The following EXOC4 variants were observed in gnomAD, a reference collection of about 807,000 sequenced individuals.
EXOC4 encodes SEC8-like 1.
A neutral mutation model predicts 107.2 loss-of-function variants in EXOC4; 71 were observed. The observed-to-expected ratio is 0.66, with a 90% CI of 0.55 to 0.81. EXOC4 has a LOEUF of 0.81. EXOC4 is among the 30% of genes least tolerant of loss of function. The pLI, the probability that EXOC4 is intolerant of heterozygous loss-of-function variation, is 0.00. For synonymous variants in EXOC4, 456 were observed against 441.2 expected, an observed-to-expected ratio of 1.03 and a Z score of -0.42; for missense variants, 1,108 against 1,189.6, an observed-to-expected ratio of 0.93 and a Z score of 1.01.
the EXOC4 span, among the ~76,000 whole-genome samples, chr7:134,074,066 C>T: frequency 2.0e-5 from 3 of 152,182 alleles, no homozygotes; most frequent in South Asian, 6.2e-4. Flanking sequence ...AGGTCCTGCC[C>T]TCTGTGGGCA....
intron 10 of EXOC4, among the ~76,000 whole-genome samples, chr7:133,703,778 C>T (rs1050437019): frequency 6.6e-6 from 1 of 152,162 alleles, no homozygotes; most frequent in Non-Finnish European, 1.5e-5. Context: ...TGGCCAGTGT[C>T]GTTCTGGGAC....
intron 11 of EXOC4, among the ~76,000 whole-genome samples, chr7:133,842,859 G>A (rs537226711): frequency 6.6e-6 from 1 of 152,296 alleles, no homozygotes; most frequent in East Asian, 1.9e-4. Flanking sequence ...AATGCACATG[G>A]CTAGCCAGTT....
chr7:133,999,865 T>G (rs1794491329), intron 15 of EXOC4, among the ~76,000 whole-genome samples: 1 of 152,196 alleles, frequency 6.6e-6, no homozygotes, highest in African/African-American at 2.4e-5. Context: ...TTGATACATC[T>G]TGGCAATACT....
At chr7:133,609,731 G>A (rs756398557) in intron 9 of EXOC4, among the ~76,000 whole-genome samples, 8 of 152,230 alleles carry the variant, frequency 5.3e-5, no homozygotes, top group Non-Finnish European at 1.0e-4. Context: ...CGGTGGGCCA[G>A]GTGGGGTCGA....
chr7:133,997,034 A>T (rs766141014), intron 14 of EXOC4, among the ~76,000 whole-genome samples: 1 of 152,186 alleles, frequency 6.6e-6, no homozygotes, highest in African/African-American at 2.4e-5. Flanking sequence ...AAGATGGTCA[A>T]ATCTTTCGGA....
intron 14 of EXOC4, among the ~76,000 whole-genome samples, chr7:133,976,709 G>A (rs972406035): frequency 3.3e-5 from 5 of 152,188 alleles, no homozygotes; most frequent in African/African-American, 4.8e-5. Context: ...ATATGTCCTT[G>A]TAGTTACCAG....
chr7:134,032,165 G>A (rs985279385), intron 17 of EXOC4, among the ~76,000 whole-genome samples: 4 of 152,096 alleles, frequency 2.6e-5, no homozygotes, highest in African/African-American at 9.7e-5. Flanking sequence ...GCATCTTAAC[G>A]CATACTGAAG....
intron 17 of EXOC4, among the ~76,000 whole-genome samples, chr7:134,031,490 G>C (rs1163900378): frequency 1.3e-5 from 2 of 152,168 alleles, no homozygotes; most frequent in Admixed American, 1.3e-4. Flanking sequence ...GGTGATTTTA[G>C]TGTCATTACT....
intron 8 of EXOC4, among the ~76,000 whole-genome samples, chr7:133,476,480 T>C (rs761321847): frequency 2.0e-5 from 3 of 152,296 alleles, no homozygotes; most frequent in Non-Finnish European, 4.4e-5. Context: ...ATATTGAATT[T>C]ATTCTTTTTC....
intron 10 of EXOC4, among the ~76,000 whole-genome samples, chr7:133,762,499 A>G (rs1342628387): frequency 6.6e-6 from 1 of 152,198 alleles, no homozygotes; most frequent in Non-Finnish European, 1.5e-5. Flanking sequence ...TAATACAACC[A>G]GTAAGTATGC....
chr7:133,686,570 A>C (rs1431975211), intron 10 of EXOC4, among the ~76,000 whole-genome samples: 1 of 152,212 alleles, frequency 6.6e-6, no homozygotes, highest in Non-Finnish European at 1.5e-5. Flanking sequence ...GGACATGGAC[A>C]GTTCTCAAAA....
chr7:133,356,661 T>C, intron 6 of EXOC4, 88 bp downstream of exon 6: 1 of 1,463,592 alleles, frequency 6.8e-7, no homozygotes, highest in Non-Finnish European at 9.3e-7. Context: ...CTTCTGTTGA[T>C]GTTGTTTTCT....
intron 11 of EXOC4, among the ~76,000 whole-genome samples, chr7:133,875,434 A>C (rs1442548877): frequency 1.3e-5 from 2 of 152,302 alleles, no homozygotes; most frequent in Non-Finnish European, 2.9e-5. Flanking sequence ...CTTTTGTCTT[A>C]GGTATCAGTT....
the EXOC4 span, among the ~76,000 whole-genome samples, chr7:134,095,388 A>G: frequency 9.1e-4 from 139 of 152,306 alleles, no homozygotes; most frequent in African/African-American, 3.3e-3. Context: ...TAAAATGGCC[A>G]TACTTTCCAG....
intron 10 of EXOC4, among the ~76,000 whole-genome samples, chr7:133,780,285 A>G (rs902374832): frequency 6.8e-6 from 1 of 146,698 alleles, no homozygotes; most frequent in Non-Finnish European, 1.5e-5. Context: ...TTCTTCCTGT[A>G]ATTGCTTTTG....
chr7:133,646,923 T>C (rs1803007426), intron 10 of EXOC4, among the ~76,000 whole-genome samples: 1 of 152,152 alleles, frequency 6.6e-6, no homozygotes, highest in South Asian at 2.1e-4. Context: ...CATGATTAAA[T>C]TACTTGGAGC....
intron 7 of EXOC4, among the ~76,000 whole-genome samples, chr7:133,467,485 A>C (rs1431874334): frequency 6.6e-6 from 1 of 151,992 alleles, no homozygotes; most frequent in East Asian, 1.9e-4. Flanking sequence ...ATCAATTTAC[A>C]TACAGCATAT....
intron 6 of EXOC4, among the ~76,000 whole-genome samples, chr7:133,366,934 G>A (rs919863803): frequency 5.9e-5 from 9 of 152,104 alleles, no homozygotes; most frequent in Non-Finnish European, 1.2e-4. Context: ...CAAGGTAACC[G>A]TGGCAATGGA....
chr7:133,816,806 G>A (rs910561624), intron 10 of EXOC4, among the ~76,000 whole-genome samples: 1 of 152,158 alleles, frequency 6.6e-6, no homozygotes, highest in Non-Finnish European at 1.5e-5. Context: ...ACAATCTAAT[G>A]TGATTGCTGA....
Sources: gnomAD v4.1 joint callset for allele counts (sites outside exome capture counted in the v4.1 genomes callset) on GRCh38, gnomAD v4.1.1 for gene constraint, MANE v1.5 for transcripts, NCBI Gene and HGNC (gene_info 2026-07-23, HGNC 2026-07-21) for gene names.